ADAM12: variants seen among roughly 807,000 people sequenced by gnomAD.
The protein encoded by ADAM12 is ADAM metallopeptidase domain 12, also known as disintegrin and metalloproteinase domain-containing protein 12.
In ADAM12, 70 loss-of-function variants were observed where a neutral mutation model predicts 106.4. That is an observed-to-expected ratio of 0.66 (90% confidence interval 0.54 to 0.80). The LOEUF is 0.80. ADAM12 is among the 30% of genes least tolerant of loss of function. ADAM12 has a pLI of 0.00. For synonymous variants in ADAM12, 420 were observed against 433.5 expected (o/e 0.97, Z 0.39); for missense variants, 1,010 against 1,171.9 (o/e 0.86, Z 2.02).
intron 21 of ADAM12, among the ~76,000 whole-genome samples, chr10:126,034,171 T>G (rs1384203569): frequency 6.6e-6 from 1 of 152,214 alleles, no homozygotes; most frequent in African/African-American, 2.4e-5. Flanking sequence ...TAGACTGTGA[T>G]AAAGTAAGTA....
chr10:126,302,339 C>T (rs1196427822), intron 2 of ADAM12, among the ~76,000 whole-genome samples: 1 of 152,224 alleles, frequency 6.6e-6, no homozygotes, highest in Non-Finnish European at 1.5e-5. Context: ...AGATGTGCTT[C>T]TAATCTGTGT....
chr10:126,100,075 C>A (rs927270707), intron 9 of ADAM12, among the ~76,000 whole-genome samples: 1 of 151,974 alleles, frequency 6.6e-6, no homozygotes, highest in African/African-American at 2.4e-5. Flanking sequence ...TCCAGTTGAT[C>A]CTGCTGAAAT....
chr10:126,320,975 T>C (rs1160419534), intron 2 of ADAM12, among the ~76,000 whole-genome samples: 2 of 152,200 alleles, frequency 1.3e-5, no homozygotes, highest in Admixed American at 6.5e-5. Flanking sequence ...CCCATATGTC[T>C]GACTAAGTAC....
intron 4 of ADAM12, among the ~76,000 whole-genome samples, chr10:126,152,725 T>A (rs1956750443): frequency 1.3e-5 from 2 of 152,136 alleles, no homozygotes; most frequent in Non-Finnish European, 2.9e-5. Flanking sequence ...TGTTTTCATT[T>A]TTACAAAGAG....
In ADAM12 at chr10:126,237,574, C is replaced by A. The variant is rs536276507; in HGVS notation, c.260+41341G>T. Among the ~76,000 whole-genome samples, 12 of 152,140 alleles carry A rather than the reference C, an allele frequency of 7.9e-5. No homozygotes were observed. In the East Asian group the frequency reaches 2.3e-3, roughly 29 times the overall value. On this transcript the variant is annotated intron_variant, in intron 3 of 22. Coordinates refer to ENST00000448723, the MANE Select transcript of ADAM12 (RefSeq NM_001288973.2). ...CTACAATATCTTCATATATTTTTGT[C>A]CTCCTCCTTCCCTTTTTCTTTCTAC...
chr10:126,116,151 TA>T (rs1388398294), intron 6 of ADAM12, among the ~76,000 whole-genome samples: 2 of 152,252 alleles, frequency 1.3e-5, no homozygotes, highest in Non-Finnish European at 2.9e-5. Context: ...AGCTGTAAGC[TA>T]AAAGAATTAA....
chr10:126,103,952 G>A (rs1452436511), intron 8 of ADAM12, among the ~76,000 whole-genome samples: 1 of 152,218 alleles, frequency 6.6e-6, no homozygotes, highest in African/African-American at 2.4e-5. Context: ...ACACTGAACT[G>A]TCAGTTCAGT....
At chr10:126,334,984 C>T (rs528029853) in intron 1 of ADAM12, among the ~76,000 whole-genome samples, 8 of 152,216 alleles carry the variant, frequency 5.3e-5, no homozygotes, top group Non-Finnish European at 1.2e-4. Flanking sequence ...ATTCTCTCCT[C>T]TAAGATTCTC....
At chr10:126,155,335 A>G in intron 3 of ADAM12, 30 bp from the exon 4 acceptor site, 2 of 1,590,336 alleles carry the variant, frequency 1.3e-6, no homozygotes, top group Non-Finnish European at 1.7e-6. Flanking sequence ...CCATAAAAAG[A>G]TGAGTGCAGA....
chr10:126,168,242 T>C (rs779408967), intron 3 of ADAM12, among the ~76,000 whole-genome samples: 4 of 152,208 alleles, frequency 2.6e-5, no homozygotes, highest in Non-Finnish European at 2.9e-5. Context: ...GGCTGATACA[T>C]TTCTCAGTAA....
intron 3 of ADAM12, among the ~76,000 whole-genome samples, chr10:126,166,834 A>C (rs1226345104): frequency 6.6e-6 from 1 of 152,160 alleles, no homozygotes; most frequent in South Asian, 2.1e-4. Context: ...AGATCTATCA[A>C]GTTTCAGTAG....
At chr10:126,022,805 T>G (rs1386215055) in intron 21 of ADAM12, among the ~76,000 whole-genome samples, 1 of 152,238 alleles carries the variant, frequency 6.6e-6, no homozygotes, top group Non-Finnish European at 1.5e-5. Flanking sequence ...AAACCTCATT[T>G]TTATGCCCTC....
rs549743751 is a variant in ADAM12, at chr10:126,095,338, T to C, written c.997-1205A>G. Among the ~76,000 whole-genome samples, 41 of 151,936 alleles carry C rather than the reference T, an allele frequency of 2.7e-4. 1 individual carries two copies. The highest frequency in any genetic ancestry group is 8.7e-4 in the African/African-American group (36 of 41,458). ...TCATGAGGTCAGGAGATCAAGACCA[T>C]CCTGGCTAACACAGTTAAACCCTGT... On this transcript the variant is annotated intron_variant, in intron 10 of 22. Coordinates refer to ENST00000448723, the MANE Select transcript of ADAM12 (RefSeq NM_001288973.2).
At position 126,014,569 on chromosome 10, in the gene ADAM12, T is replaced by C. The variant is rs535532454; in HGVS notation, c.*2710A>G. The C allele has an allele frequency of 1.3e-5, 2 of 152,204 alleles. No homozygotes were observed. Among genetic ancestry groups the C allele is most frequent in the East Asian group, 3.9e-4 (2 of 5,176 alleles). 9.4% of individuals were successfully genotyped at this position (152,204 alleles called of 1,614,324 possible). ...TAACCTCCTGTGTGTATTTCCACAA[T>C]GGAGAATGTTAGGCTTCGTTTCCCT... On this transcript the variant is annotated 3_prime_UTR_variant, in exon 23 of 23. Transcript: ENST00000448723.
intron 2 of ADAM12, among the ~76,000 whole-genome samples, chr10:126,312,836 T>C (rs1354635674): frequency 6.6e-6 from 1 of 152,144 alleles, no homozygotes; most frequent in African/African-American, 2.4e-5. Flanking sequence ...AACGATGCCC[T>C]CTCATCGCAG....
At chr10:126,317,644 CT>C (rs1590773122) in intron 2 of ADAM12, among the ~76,000 whole-genome samples, 1 of 152,036 alleles carries the variant, frequency 6.6e-6, no homozygotes, top group Non-Finnish European at 1.5e-5. Flanking sequence ...GGAAAAGAGC[CT>C]AATGATTAGG....
intron 21 of ADAM12, among the ~76,000 whole-genome samples, chr10:126,025,371 A>C (rs1412581766): frequency 6.6e-6 from 1 of 152,242 alleles, no homozygotes; most frequent in Admixed American, 6.5e-5. Flanking sequence ...TAGAGCTAAA[A>C]AACACACTAT....
chr10:126,388,057 C>T lies in ADAM12; in HGVS notation c.88+1G>A. 1.6e-6 allele frequency: 2 copies of T among 1,221,834 alleles called. No homozygotes were observed. The highest frequency in any genetic ancestry group is 1.0e-6 in the Non-Finnish European group (1 of 980,430). 75.7% of individuals were successfully genotyped at this position (1,221,834 alleles called of 1,614,324 possible). The stretch of plus-strand genomic sequence containing the variant: ...CGAGCCGCCCTAGTTCGGCGACTTA[C>T]CTCGGGCCTCGCAGGGCGCGAGCAG... On this transcript the variant is annotated splice_donor_variant, in intron 1 of 22. Coordinates refer to ENST00000448723, the MANE Select transcript of ADAM12 (RefSeq NM_001288973.2). LOFTEE classifies it high-confidence loss of function. This position sits in a 1 kb window ranked among gnomAD's most constrained non-coding sequence, Gnocchi z 4.4.
chr10:126,019,564 G>A, intron 22 of ADAM12, 131 bp downstream of exon 22: 2 of 1,191,996 alleles, frequency 1.7e-6, no homozygotes, highest in Non-Finnish European at 1.2e-6. Flanking sequence ...CTATTTTACG[G>A]TATTCCCAGT....
Sources: allele counts gnomAD v4.1 joint callset (sites outside exome capture counted in the v4.1 genomes callset), GRCh38; gene constraint gnomAD v4.1.1; non-coding constraint Gnocchi (gnomAD v3.1); transcripts MANE v1.5; gene names NCBI Gene and HGNC (gene_info 2026-07-23, HGNC 2026-07-21).